The following RBM44 variants were observed in gnomAD, a reference collection of about 807,000 sequenced individuals.
The protein encoded by RBM44 is RNA-binding protein 44.
A neutral mutation model predicts 105.1 loss-of-function variants in RBM44; 66 were observed. The ratio of observed to expected loss-of-function variants is 0.63; its 90% CI spans 0.52 to 0.77. The LOEUF (loss-of-function observed/expected upper bound fraction) is 0.77. Ranked by LOEUF, RBM44 falls within the 30% of genes least tolerant of loss-of-function variation. The pLI is 0.00. For missense variants in RBM44, 1,122 were observed against 1,207.8 expected, an observed-to-expected ratio of 0.93 and a Z score of 1.05; for synonymous variants, 365 against 417.6, an observed-to-expected ratio of 0.87 and a Z score of 1.54.
At chr2:237,799,893 C>T (rs1427299955) in intron 1 of RBM44, among the ~76,000 whole-genome samples, 2 of 152,086 alleles carry the variant, frequency 1.3e-5, no homozygotes, top group Non-Finnish European at 2.9e-5. Context: ...GTGTCAAGGG[C>T]GAGTCCTGTG....
At chr2:237,835,962 G>T (rs2061955268) in intron 15 of RBM44, among the ~76,000 whole-genome samples, 1 of 152,160 alleles carries the variant, frequency 6.6e-6, no homozygotes, top group African/African-American at 2.4e-5. Flanking sequence ...TGATGTAGAA[G>T]CTGTAGCAAG....
At position 237,803,261 on chromosome 2, in the gene RBM44, A is replaced by G. The variant is rs1381271166; in HGVS notation, c.-19+4400A>G. ...CAGCCTGGGCGACAGAGCGAGACAC[A>G]CACACACACACAGTCTCTCTGTCTC... On this transcript the variant is annotated intron_variant, in intron 1 of 15. Coordinates refer to ENST00000316997, the MANE Select transcript of RBM44 (RefSeq NM_001080504.3). This position sits in a 1 kb window ranked among gnomAD's most constrained non-coding sequence, Gnocchi z 4.2. 3.3e-5 allele frequency among the ~76,000 whole-genome samples: 5 copies of G among 151,768 alleles called. No homozygotes were observed. Among genetic ancestry groups the G allele is most frequent in the Admixed American group, 1.3e-4 (2 of 15,218 alleles).
intron 2 of RBM44, among the ~76,000 whole-genome samples, chr2:237,815,431 C>T (rs986282737): frequency 6.6e-6 from 1 of 152,202 alleles, no homozygotes; most frequent in South Asian, 2.1e-4. Flanking sequence ...CACACAGTCC[C>T]TATCTCTTTA....
Position 237,820,200 on chromosome 2 carries a change from G to A in RBM44, c.1762G>A (p.Glu588Lys), listed in dbSNP as rs779134240. 2.6e-6 allele frequency: 4 copies of A among 1,551,818 alleles called. No individual in the cohort carries two copies. Among genetic ancestry groups the A allele is most frequent in the Non-Finnish European group, 3.5e-6 (4 of 1,149,064 alleles). The stretch of plus-strand genomic sequence containing the variant: ...GGAATTTCAACTTTTTAAAGATACA[G>A]AGAAGGATTTGCCATCAATGTGCTG... The part of the protein sequence containing the change: ...EREFQLFKDT[E>K]KDLPSMCCQK... The change falls in exon 5 of 16, where the codon GAG (glutamate) becomes AAG (lysine). Residue 588 changes from glutamate to lysine, a missense_variant. Around this residue, in one of 3 missense-constraint regions of RBM44, gnomAD observed 918 missense variants for 955.3 expected, o/e 0.96. Coordinates refer to ENST00000316997, the MANE Select transcript of RBM44 (RefSeq NM_001080504.3).
chr2:237,821,718 A>T (rs914922391), intron 7 of RBM44, 25 bp from the exon 8 acceptor site: 1 of 1,511,968 alleles, frequency 6.6e-7, no homozygotes, highest in Admixed American at 1.7e-5. Context: ...ATTAGATCAT[A>T]TTTCTTCTGA....
At chr2:237,823,601 T>C in intron 9 of RBM44, 47 bp downstream of exon 9, 1 of 878,732 alleles carries the variant, frequency 1.1e-6, no homozygotes, top group Non-Finnish European at 1.8e-6. Flanking sequence ...GAAAACAAAA[T>C]AAGGTTTAAA....
intron 1 of RBM44, among the ~76,000 whole-genome samples, chr2:237,801,958 T>G (rs2061550646): frequency 2.6e-5 from 4 of 152,358 alleles, no homozygotes; most frequent in African/African-American, 9.6e-5. Flanking sequence ...TTAATTGCTT[T>G]TTTTCCTTTT....
chr2:237,821,558 G>C (rs1361988127), intron 7 of RBM44, among the ~76,000 whole-genome samples, 185 bp from the exon 8 acceptor site: 1 of 152,024 alleles, frequency 6.6e-6, no homozygotes. Flanking sequence ...TGCATGCATA[G>C]GATGTGTACT....
At chr2:237,825,820 A>C (rs764788530) in intron 10 of RBM44, among the ~76,000 whole-genome samples, 1 of 151,918 alleles carries the variant, frequency 6.6e-6, no homozygotes, top group African/African-American at 2.4e-5. Context: ...TTCCCTCCTC[A>C]CTCCAGTGTA....
chr2:237,819,209 A>T (rs2061756438), intron 4 of RBM44, among the ~76,000 whole-genome samples: 1 of 152,036 alleles, frequency 6.6e-6, no homozygotes, highest in African/African-American at 2.4e-5. Flanking sequence ...TTCAACCCAA[A>T]TCCATACTGA....
chr2:237,805,059 T>C (rs1012928207), intron 1 of RBM44, among the ~76,000 whole-genome samples: 3 of 152,192 alleles, frequency 2.0e-5, no homozygotes, highest in Admixed American at 2.0e-4. Context: ...TCAAACTGTC[T>C]CTGCAGACTA....
chr2:237,836,802 A>G (rs2061964182), intron 15 of RBM44, among the ~76,000 whole-genome samples: 1 of 151,948 alleles, frequency 6.6e-6, no homozygotes, highest in Non-Finnish European at 1.5e-5. Flanking sequence ...AAAAAAATTA[A>G]ACCTTTTGTA....
intron 10 of RBM44, among the ~76,000 whole-genome samples, chr2:237,826,693 GA>G: frequency 6.6e-6 from 1 of 152,188 alleles, no homozygotes; most frequent in East Asian, 1.9e-4. Flanking sequence ...CAAAGACAAA[GA>G]CAATCAACTG....
At chr2:237,804,549 G>A (rs2061579549) in intron 1 of RBM44, among the ~76,000 whole-genome samples, 1 of 152,184 alleles carries the variant, frequency 6.6e-6, no homozygotes, top group African/African-American at 2.4e-5. Flanking sequence ...TAGTGATGCT[G>A]AACATTTTTT....
intron 1 of RBM44, among the ~76,000 whole-genome samples, chr2:237,809,932 TTAAACAAAACAAAA>T (rs1274268579): frequency 2.0e-5 from 3 of 152,078 alleles, no homozygotes; most frequent in Non-Finnish European, 1.5e-5. Context: ...CCCCTTCTCT[TTAAACAAAACAAAA>T]TAAAAAAACC....
rs139408669 is a variant in RBM44, at chr2:237,803,302, G to GACAC, written c.-19+4455_-19+4458dup. 7.1e-4 allele frequency among the ~76,000 whole-genome samples: 107 copies of GACAC among 149,836 alleles called. No individual in the cohort carries two copies. The highest frequency in any genetic ancestry group is 2.1e-3 in the African/African-American group (86 of 40,774). ...TCTCTGTCTCTGGGTGACAGAGCGAGACACACACACACACACATACTCTCT... is the reference window on the plus strand; with the variant it reads ...TCTCTGTCTCTGGGTGACAGAGCGAGACACACACACACACACACACATACTCTCT... On this transcript the variant is annotated intron_variant, in intron 1 of 15. Transcript: ENST00000316997. The surrounding 1 kb of genome is among the most constrained non-coding windows in gnomAD (Gnocchi z 4.2).
intron 1 of RBM44, among the ~76,000 whole-genome samples, chr2:237,811,888 G>A (rs1262574136): frequency 6.6e-6 from 1 of 151,864 alleles, no homozygotes; most frequent in East Asian, 1.9e-4. Context: ...GGAGTCTCGC[G>A]CTGTCACCCA....
intron 12 of RBM44, among the ~76,000 whole-genome samples, chr2:237,828,730 A>G (rs1243095519): frequency 2.0e-5 from 3 of 151,984 alleles, no homozygotes; most frequent in Non-Finnish European, 4.4e-5. Context: ...AGATTTTCCA[A>G]CTCTTTGTTT....
chr2:237,833,265 G>A (rs1019319113), intron 13 of RBM44, among the ~76,000 whole-genome samples: 1 of 152,170 alleles, frequency 6.6e-6, no homozygotes, highest in African/African-American at 2.4e-5. Context: ...GATGTGAAAG[G>A]TCCAGTATAT....
Sources: gnomAD v4.1 joint callset for allele counts (sites outside exome capture counted in the v4.1 genomes callset) on GRCh38, gnomAD v4.1.1 for gene constraint, gnomAD v4.1.1 regional missense constraint, Gnocchi (gnomAD v3.1) non-coding constraint, MANE v1.5 for transcripts, NCBI Gene and HGNC (gene_info 2026-07-23, HGNC 2026-07-21) for gene names.